The following PEPD variants were observed in gnomAD, a reference collection of about 807,000 sequenced individuals.
The protein encoded by PEPD is xaa-Pro dipeptidase.
Under a neutral mutation model 60.7 loss-of-function variants are expected in PEPD, and 53 were observed. The ratio of observed to expected loss-of-function variants is 0.87; its 90% CI spans 0.70 to 1.10. The LOEUF is 1.10. Ranked by LOEUF, PEPD falls within the 50% of genes least tolerant of loss-of-function variation. The pLI, the probability that PEPD is intolerant of heterozygous loss-of-function variation, is 0.00. For synonymous variants in PEPD, 267 were observed against 284.1 expected (o/e 0.94, Z 0.60); for missense variants, 711 against 711.9 (o/e 1.00, Z 0.01).
At chr19:33,507,528 G>A (rs1970836389) in intron 3 of PEPD, among the ~76,000 whole-genome samples, 1 of 152,182 alleles carries the variant, frequency 6.6e-6, no homozygotes, top group African/African-American at 2.4e-5. Context: ...GGCAGATCCT[G>A]CAGACGGGGG....
At chr19:33,426,901 G>A (rs916559324) in intron 9 of PEPD, among the ~76,000 whole-genome samples, 1 of 152,210 alleles carries the variant, frequency 6.6e-6, no homozygotes, top group Non-Finnish European at 1.5e-5. Context: ...TGCCATGGAG[G>A]GAGGCCCAGA....
chr19:33,388,216 CGCCCCTGCTGT>C lies in PEPD; in HGVS notation c.1153-146_1153-136del. 6 of 777,546 alleles carry C rather than the reference CGCCCCTGCTGT, an allele frequency of 7.7e-6. 2 individuals are homozygous for C. The Middle Eastern group carries it at 1.3e-3, about 172-fold the overall frequency. 48.2% of individuals were successfully genotyped at this position (777,546 alleles called of 1,614,324 possible). A position where few individuals can be genotyped will look rare whatever the true frequency, so the allele number is the denominator to read the frequency against. On this transcript the variant is annotated intron_variant, in intron 13 of 14. Coordinates refer to ENST00000244137, the MANE Select transcript of PEPD (RefSeq NM_000285.4). ...ACCATTGGGGTCCTCAGCCTAGACTCGCCCCTGCTGTGCTGGGCCATGGGCACCCTGATAAG... is the reference window on the plus strand; with the variant it reads ...ACCATTGGGGTCCTCAGCCTAGACTCGCTGGGCCATGGGCACCCTGATAAG...
At chr19:33,503,442 G>A (rs1233254399) in intron 3 of PEPD, among the ~76,000 whole-genome samples, 1 of 152,192 alleles carries the variant, frequency 6.6e-6, no homozygotes, top group Non-Finnish European at 1.5e-5. Context: ...GCCAAGGTCT[G>A]ACACCTCCAT....
At chr19:33,506,993 G>A (rs1028731924) in intron 3 of PEPD, among the ~76,000 whole-genome samples, 2 of 129,880 alleles carry the variant, frequency 1.5e-5, no homozygotes, top group South Asian at 4.9e-4. Flanking sequence ...ACATCCATAC[G>A]TACCCACCCC....
intron 13 of PEPD, 120 bp from the exon 14 acceptor site, chr19:33,388,201 TC>T (rs2145321765): frequency 1.2e-6 from 1 of 860,618 alleles, no homozygotes; most frequent in South Asian, 1.4e-5. Context: ...ACCATTGGGG[TC>T]CTCAGCCTAG....
chr19:33,512,387 G>A (rs1486027434), intron 2 of PEPD, among the ~76,000 whole-genome samples: 1 of 152,180 alleles, frequency 6.6e-6, no homozygotes, highest in Non-Finnish European at 1.5e-5. Flanking sequence ...TGGCCAGGCT[G>A]GTTTCCTGCA....
intron 9 of PEPD, among the ~76,000 whole-genome samples, chr19:33,451,807 C>A (rs1219061602): frequency 2.0e-5 from 3 of 152,196 alleles, no homozygotes; most frequent in Non-Finnish European, 2.9e-5. Context: ...AAAGGGGTTT[C>A]TTGAAAGCTA....
At chr19:33,436,007 G>A (rs981428912) in intron 9 of PEPD, among the ~76,000 whole-genome samples, 5 of 152,186 alleles carry the variant, frequency 3.3e-5, no homozygotes, top group Admixed American at 1.3e-4. Context: ...TGAGGTTAGC[G>A]CAGCCCAGGG....
At chr19:33,420,657 G>A (rs977288310) in intron 9 of PEPD, among the ~76,000 whole-genome samples, 4 of 151,886 alleles carry the variant, frequency 2.6e-5, no homozygotes, top group Admixed American at 6.6e-5. Flanking sequence ...AGCCGAGATC[G>A]CACCAGTGCA....
chr19:33,448,080 G>A lies in PEPD; in HGVS notation c.671+14915C>T, dbSNP rs147802167. On this transcript the variant is annotated intron_variant, in intron 9 of 14. Coordinates refer to ENST00000244137, the MANE Select transcript of PEPD (RefSeq NM_000285.4). Reference sequence around the variant, plus strand: ...GCCCTTCCTGGATGAAACCATTCATGTCATCCACAGAACTCAGAGCTAGGA... The same window carrying A: ...GCCCTTCCTGGATGAAACCATTCATATCATCCACAGAACTCAGAGCTAGGA... 2.0e-3 allele frequency among the ~76,000 whole-genome samples: 297 copies of A among 152,296 alleles called. 1 individual carries two copies. Among genetic ancestry groups the A allele is most frequent in the African/African-American group, 6.4e-3 (264 of 41,552 alleles).
At chr19:33,428,718 C>T (rs1481233499) in intron 9 of PEPD, among the ~76,000 whole-genome samples, 1 of 152,218 alleles carries the variant, frequency 6.6e-6, no homozygotes, top group Non-Finnish European at 1.5e-5. Context: ...GGCACCCTCC[C>T]GTTCCCTCCC....
At chr19:33,488,695 C>T (rs1321544699) in intron 6 of PEPD, among the ~76,000 whole-genome samples, 7 of 152,198 alleles carry the variant, frequency 4.6e-5, no homozygotes, top group African/African-American at 4.8e-5. Context: ...CCCCTCCACC[C>T]GCCCCACTGC....
intron 9 of PEPD, among the ~76,000 whole-genome samples, chr19:33,453,317 A>AAATAAATAAAT (rs1555762505): frequency 2.0e-5 from 3 of 148,656 alleles, no homozygotes; most frequent in Non-Finnish European, 3.0e-5. Context: ...CTGTCATAAA[A>AAATAAATAAAT]AAATAAATAA....
Position 33,516,100 on chromosome 19 carries a change from G to A in PEPD, c.18-3324C>T, listed in dbSNP as rs140107020. Among the ~76,000 whole-genome samples, 306 of 152,008 alleles carry A rather than the reference G, an allele frequency of 2.0e-3. 1 individual carries two copies. Among genetic ancestry groups the A allele is most frequent in the Middle Eastern group, 3.4e-3 (1 of 294 alleles). ...CATAAGAAGGGCTAGCCTGAGCCAC[G>A]AGGCAAGGCAATATGCTACAGTCAT... On this transcript the variant is annotated intron_variant, in intron 1 of 14. Transcript: ENST00000244137.
At chr19:33,466,227 C>T (rs1008653860) in intron 7 of PEPD, among the ~76,000 whole-genome samples, 2 of 152,054 alleles carry the variant, frequency 1.3e-5, no homozygotes, top group East Asian at 1.9e-4. Context: ...ATAAGAAAGA[C>T]GAAAGGCAAA....
At chr19:33,516,090 C>T (rs1971017779) in intron 1 of PEPD, among the ~76,000 whole-genome samples, 1 of 152,118 alleles carries the variant, frequency 6.6e-6, no homozygotes, top group African/African-American at 2.4e-5. Flanking sequence ...GAAGGGCTAG[C>T]CTGAGCCACG....
chr19:33,512,627 C>A lies in PEPD; in HGVS notation c.167G>T (p.Arg56Leu). The A allele has an allele frequency of 6.2e-7, 1 of 1,613,934 alleles. No homozygotes were observed. The highest frequency in any genetic ancestry group is 1.1e-5 in the South Asian group (1 of 91,082). The change falls in exon 2 of 15, where the codon CGC becomes CTC. Residue 56 changes from arginine (R) to leucine (L), a missense_variant. Transcript: ENST00000244137. Reference protein sequence around the residue: ...VVLQGGEETQRYCTDTGVLFR... With the variant: ...VVLQGGEETQLYCTDTGVLFR... The stretch of plus-strand genomic sequence containing the variant: ...GAGGACCCCGGTGTCGGTGCAGTAG[C>A]GCTGAGTCTCCTCCCCGCCCTGCAG...
chr19:33,390,543 C>T (rs999139062), intron 13 of PEPD, among the ~76,000 whole-genome samples: 21 of 152,210 alleles, frequency 1.4e-4, no homozygotes, highest in East Asian at 5.8e-4. Context: ...GGCCCCAGGG[C>T]GTGCACGATT....
intron 12 of PEPD, among the ~76,000 whole-genome samples, 180 bp downstream of exon 12, chr19:33,401,541 G>A (rs946263596): frequency 6.6e-6 from 1 of 152,228 alleles, no homozygotes; most frequent in African/African-American, 2.4e-5. Flanking sequence ...CTGGTGGTCA[G>A]CCTTGTTTCC....
Sources: allele counts gnomAD v4.1 joint callset (sites outside exome capture counted in the v4.1 genomes callset), GRCh38; gene constraint gnomAD v4.1.1; transcripts MANE v1.5; gene names NCBI Gene and HGNC (gene_info 2026-07-23, HGNC 2026-07-21).